SGSM1: variants seen among roughly 807,000 people sequenced by gnomAD.
The protein encoded by SGSM1 is small G protein signaling modulator 1.
A neutral mutation model predicts 133.8 loss-of-function variants in SGSM1; 73 were observed. The ratio of observed to expected loss-of-function variants is 0.55; its 90% CI spans 0.45 to 0.66. SGSM1 has a LOEUF of 0.66. Among genes scored for constraint, SGSM1 ranks in the 30% least tolerant of loss-of-function variants. The pLI, the probability that SGSM1 is intolerant of heterozygous loss-of-function variation, is 0.00. For missense variants in SGSM1, 1,213 were observed against 1,448.1 expected (o/e 0.84, Z 2.64); for synonymous variants, 563 against 573.0 (o/e 0.98, Z 0.25).
Position 24,898,371 on chromosome 22 carries a change from GA to G in SGSM1, c.2426del (p.Lys809ArgfsTer5). On this transcript the variant is annotated frameshift_variant, in exon 19 of 25. Coordinates refer to ENST00000400358, the MANE Select transcript of SGSM1 (RefSeq NM_001098497.3). LOFTEE classifies it high-confidence loss of function. ...GGGCAGCCTGGACATGGCCCTGCCT[GA>G]AAAGGACGATGTTGTGATGGAGGGC... is the stretch of plus-strand genomic sequence containing the variant. ...ITGSLDMALP[E>X]KDDVVMEGWR... 6.2e-7 allele frequency: 1 copy of G among 1,613,920 alleles called. No homozygotes were observed. Among genetic ancestry groups the G allele is most frequent in the Non-Finnish European group, 8.5e-7 (1 of 1,179,876 alleles).
chr22:24,811,457 C>T (rs1429454424), intron 2 of SGSM1, among the ~76,000 whole-genome samples: 7 of 152,146 alleles, frequency 4.6e-5, no homozygotes, highest in African/African-American at 7.2e-5. Flanking sequence ...GGGCAGGGAA[C>T]GAAGTCTTGG....
At chr22:24,814,058 A>T (rs902982683) in intron 2 of SGSM1, 1 of 152,150 alleles carries the variant, frequency 6.6e-6, no homozygotes, top group Non-Finnish European at 1.5e-5. Flanking sequence ...ACGAGGTTGG[A>T]CAGCTCCAGG....
chr22:24,835,752 G>A (rs1344192757), intron 2 of SGSM1, among the ~76,000 whole-genome samples: 1 of 151,370 alleles, frequency 6.6e-6, no homozygotes, highest in Non-Finnish European at 1.5e-5. Context: ...TAGAGCAGGT[G>A]TTGGGATGGG....
intron 9 of SGSM1, among the ~76,000 whole-genome samples, chr22:24,863,449 G>A (rs915842941): frequency 6.6e-6 from 1 of 152,148 alleles, no homozygotes; most frequent in African/African-American, 2.4e-5. Flanking sequence ...GAGCCACCGC[G>A]CCCGGCCATC....
At chr22:24,851,808 G>C (rs940187225) in intron 5 of SGSM1, among the ~76,000 whole-genome samples, 1 of 152,196 alleles carries the variant, frequency 6.6e-6, no homozygotes, top group Non-Finnish European at 1.5e-5. Context: ...CAGGTGATGG[G>C]ATGGGGAACA....
chr22:24,866,942 G>A (rs1365376146), intron 9 of SGSM1, 151 bp from the exon 10 acceptor site: 12 of 695,752 alleles, frequency 1.7e-5, no homozygotes, highest in Non-Finnish European at 2.7e-5. Flanking sequence ...AGAAAAAGGG[G>A]AGATAGAGTC....
At chr22:24,918,999 C>T (rs1025393732) in intron 23 of SGSM1, among the ~76,000 whole-genome samples, 4 of 151,176 alleles carry the variant, frequency 2.6e-5, no homozygotes, top group Non-Finnish European at 4.4e-5. Flanking sequence ...CCTCAGCCTC[C>T]CAAAGTGTTG....
chr22:24,896,831 G>C (rs1023766999), intron 18 of SGSM1, among the ~76,000 whole-genome samples: 1 of 151,838 alleles, frequency 6.6e-6, no homozygotes, highest in Admixed American at 6.6e-5. Flanking sequence ...ACAAAAACTA[G>C]CTGGGCATGG....
intron 2 of SGSM1, among the ~76,000 whole-genome samples, chr22:24,831,101 G>A (rs1929094347): frequency 6.6e-6 from 1 of 151,562 alleles, no homozygotes; most frequent in African/African-American, 2.4e-5. Flanking sequence ...GGTTCACGCT[G>A]CAGGTTAGTG....
chr22:24,918,883 C>G (rs1933910391), intron 23 of SGSM1, among the ~76,000 whole-genome samples: 1 of 151,920 alleles, frequency 6.6e-6, no homozygotes, highest in Admixed American at 6.6e-5. Context: ...GGATTACAGG[C>G]ACCCGCCTCC....
At chr22:24,859,935 C>T (rs1332332632) in intron 9 of SGSM1, 95 bp downstream of exon 9, 2 of 1,528,386 alleles carry the variant, frequency 1.3e-6, no homozygotes, top group East Asian at 4.6e-5. Flanking sequence ...TTGTATCCCG[C>T]CCCTGCTTCT....
chr22:24,888,750 G>A (rs1241531976), intron 16 of SGSM1, among the ~76,000 whole-genome samples: 3 of 151,908 alleles, frequency 2.0e-5, no homozygotes, highest in Admixed American at 2.0e-4. Flanking sequence ...CTGCAGTCCA[G>A]CATGGGCAAT....
At chr22:24,848,366 C>T (rs1053205241) in intron 4 of SGSM1, among the ~76,000 whole-genome samples, 31 of 152,152 alleles carry the variant, frequency 2.0e-4, no homozygotes, top group African/African-American at 6.5e-4. Context: ...GGACCAGACA[C>T]GAGGGCCTCA....
chr22:24,827,232 G>A (rs1928849713), intron 2 of SGSM1, among the ~76,000 whole-genome samples: 1 of 152,080 alleles, frequency 6.6e-6, no homozygotes, highest in Admixed American at 6.6e-5. Flanking sequence ...CAGGTGAGAG[G>A]ACTGGAGAAG....
At chr22:24,912,461 G>A (rs1377765368) in intron 21 of SGSM1, among the ~76,000 whole-genome samples, 182 bp from the exon 22 acceptor site, 4 of 151,980 alleles carry the variant, frequency 2.6e-5, no homozygotes, top group African/African-American at 7.3e-5. Flanking sequence ...GGCAGATCAC[G>A]AGGTCAGGAG....
intron 8 of SGSM1, among the ~76,000 whole-genome samples, chr22:24,856,610 C>A (rs534426036): frequency 6.6e-6 from 1 of 152,272 alleles, no homozygotes; most frequent in African/African-American, 2.4e-5. Flanking sequence ...AAGGGAAAAC[C>A]ATCAGCCACT....
chr22:24,884,314 T>C lies in SGSM1; in HGVS notation c.1641+116T>C, dbSNP rs537123652. On this transcript the variant is annotated intron_variant, in intron 15 of 24. Coordinates refer to ENST00000400358, the MANE Select transcript of SGSM1 (RefSeq NM_001098497.3). ...GACTTGAGCTGACGTGCTTGGATTC[T>C]GCATATGCAAATTGGAGTTCCCCTT... 1,536 of 1,343,264 alleles carry C rather than the reference T, an allele frequency of 1.1e-3. 2 individuals carry two copies. The highest frequency in any genetic ancestry group is 1.4e-3 in the Non-Finnish European group (1,403 of 1,002,500). 83.2% of individuals were successfully genotyped at this position (1,343,264 alleles called of 1,614,324 possible). A position where few individuals can be genotyped will look rare whatever the true frequency, so the allele number is the denominator to read the frequency against.
At chr22:24,838,731 G>T (rs547351093) in intron 2 of SGSM1, among the ~76,000 whole-genome samples, 2 of 150,282 alleles carry the variant, frequency 1.3e-5, no homozygotes, top group African/African-American at 4.9e-5. Flanking sequence ...CTAAATGTGT[G>T]TTTTTTTTTA....
chr22:24,820,239 C>G lies in SGSM1; in HGVS notation c.63+13755C>G, dbSNP rs1928385220. Among the ~76,000 whole-genome samples, 6 of 152,120 alleles carry G rather than the reference C, an allele frequency of 3.9e-5. No homozygotes were observed. In the South Asian group the frequency reaches 1.2e-3, roughly 32 times the overall value. ...CCGAGAGAATGCCTTGGAATCAGGC[C>G]CCGGGGGAGCCTTCTGGTCAAGGGG... On this transcript the variant is annotated intron_variant, in intron 2 of 24. Coordinates refer to ENST00000400358, the MANE Select transcript of SGSM1 (RefSeq NM_001098497.3).
Sources: allele counts gnomAD v4.1 joint callset (sites outside exome capture counted in the v4.1 genomes callset), GRCh38; gene constraint gnomAD v4.1.1; transcripts MANE v1.5; gene names NCBI Gene and HGNC (gene_info 2026-07-23, HGNC 2026-07-21).